HIVEP2: variants seen among roughly 807,000 people sequenced by gnomAD.
HIVEP2 encodes the protein HIVEP zinc finger 2, also known as transcription factor HIVEP2.
In HIVEP2, 14 loss-of-function variants were observed where a neutral mutation model predicts 180.7. That is an observed-to-expected ratio of 0.08 (90% confidence interval 0.05 to 0.12). The LOEUF (loss-of-function observed/expected upper bound fraction) is 0.12, where lower values mean the gene tolerates loss of function less well. Ranked by LOEUF, HIVEP2 falls within the 10% of genes least tolerant of loss-of-function variation. The pLI is 1.00. For missense variants in HIVEP2, 2,579 were observed against 3,008.5 expected, an observed-to-expected ratio of 0.86 and a Z score of 3.34; for synonymous variants, 1,184 against 1,136.4, an observed-to-expected ratio of 1.04 and a Z score of -0.84.
rs770943648 is a variant in HIVEP2 at position 142,770,686 on chromosome 6, T to C, written c.4053A>G (p.Thr1351=). The part of the protein sequence containing the change: ...HVPSYGSVMY[T]SISQILGQNS... The stretch of plus-strand genomic sequence containing the variant: ...TCTGCCCAAGTATCTGAGAAATGCT[T>C]GTGTACATGACACTTCCATAGGATG... The change falls in exon 5 of 10, where the codon ACA becomes ACG. Residue 1351 remains threonine (T), a synonymous_variant. Transcript: ENST00000367603. The surrounding 1 kb of genome is among the most constrained non-coding windows in gnomAD (Gnocchi z 4.7). 1.9e-6 allele frequency: 3 copies of C among 1,614,200 alleles called. No homozygotes were observed. Among genetic ancestry groups the C allele is most frequent in the East Asian group, 4.5e-5 (2 of 44,888 alleles).
chr6:142,865,774 G>A (rs1024618733), intron 1 of HIVEP2, among the ~76,000 whole-genome samples: 9 of 152,120 alleles, frequency 5.9e-5, no homozygotes, highest in Non-Finnish European at 1.2e-4. Context: ...ACCAGAAAGC[G>A]TTTCGCATGC....
At chr6:142,909,726 G>C (rs1321111354) in intron 1 of HIVEP2, among the ~76,000 whole-genome samples, 1 of 152,120 alleles carries the variant, frequency 6.6e-6, no homozygotes, top group Non-Finnish European at 1.5e-5. Context: ...TATGAGTCAA[G>C]TACAACATTA....
intron 2 of HIVEP2, among the ~76,000 whole-genome samples, chr6:142,814,825 A>G (rs764925689): frequency 6.6e-6 from 1 of 152,226 alleles, no homozygotes; most frequent in African/African-American, 2.4e-5. Context: ...CAAAGTAGAT[A>G]AAACACTCAG....
chr6:142,851,252 A>C (rs1775664084), intron 1 of HIVEP2, among the ~76,000 whole-genome samples: 1 of 152,210 alleles, frequency 6.6e-6, no homozygotes, highest in Admixed American at 6.5e-5. Context: ...ACCTGCTTTC[A>C]CTGTGGTAAG....
intron 1 of HIVEP2, among the ~76,000 whole-genome samples, chr6:142,936,352 C>G (rs1170441125): frequency 6.6e-6 from 1 of 151,692 alleles, no homozygotes; most frequent in African/African-American, 2.4e-5. Context: ...GCCACCACAC[C>G]AGGCTAATTT....
At chr6:142,857,788 G>A (rs973599587) in intron 1 of HIVEP2, among the ~76,000 whole-genome samples, 4 of 152,144 alleles carry the variant, frequency 2.6e-5, no homozygotes, top group East Asian at 1.9e-4. Flanking sequence ...ATTTTAGGTC[G>A]GATTTGTTCT....
At chr6:142,870,778 A>G (rs1776272577) in intron 1 of HIVEP2, among the ~76,000 whole-genome samples, 1 of 152,178 alleles carries the variant, frequency 6.6e-6, no homozygotes, top group Non-Finnish European at 1.5e-5. Context: ...CAAAGCTAGA[A>G]TTGAGGGAAC....
chr6:142,882,382 G>A (rs1276730293), intron 1 of HIVEP2, among the ~76,000 whole-genome samples: 1 of 152,118 alleles, frequency 6.6e-6, no homozygotes, highest in Non-Finnish European at 1.5e-5. Context: ...AGGCCAAGGT[G>A]AGAGGATCAC....
In HIVEP2 at chr6:142,784,155, T is replaced by A. The variant is rs190348116; in HGVS notation, c.-527-540A>T. On this transcript the variant is annotated intron_variant, in intron 2 of 9. Transcript: ENST00000367603. Reference sequence around the variant, plus strand: ...AACTTTTCATATATGGAATTAATATTTATTCAAGTATGATCCAAAGAAATG... The same window carrying A: ...AACTTTTCATATATGGAATTAATATATATTCAAGTATGATCCAAAGAAATG... Among the ~76,000 whole-genome samples the A allele has an allele frequency of 3.3e-3, 504 of 152,316 alleles. 3 individuals carry two copies. The highest frequency in any genetic ancestry group is 0.011 in the African/African-American group (453 of 41,578).
intron 9 of HIVEP2, among the ~76,000 whole-genome samples, chr6:142,759,570 G>A (rs1034248626): frequency 1.3e-5 from 2 of 152,208 alleles, no homozygotes; most frequent in Non-Finnish European, 2.9e-5. Context: ...CTGCTCTGAT[G>A]CAATACTACA....
At chr6:142,765,563 G>T (rs906398938) in intron 6 of HIVEP2, among the ~76,000 whole-genome samples, 1 of 152,160 alleles carries the variant, frequency 6.6e-6, no homozygotes, top group South Asian at 2.1e-4. Context: ...CTACAGATTT[G>T]ATCTGCTCTT....
intron 1 of HIVEP2, among the ~76,000 whole-genome samples, chr6:142,868,669 G>T (rs1370043763): frequency 6.6e-6 from 1 of 152,076 alleles, no homozygotes; most frequent in East Asian, 1.9e-4. Flanking sequence ...ATCTTTGAAA[G>T]TTTTTAAAAA....
At chr6:142,862,495 TA>T (rs1776009078) in intron 1 of HIVEP2, among the ~76,000 whole-genome samples, 1 of 101,514 alleles carries the variant, frequency 9.9e-6, no homozygotes, top group East Asian at 2.3e-4. Context: ...TAATCGATTA[TA>T]TGTATCATAT....
intron 1 of HIVEP2, among the ~76,000 whole-genome samples, chr6:142,866,452 T>C (rs910633805): frequency 1.3e-5 from 2 of 152,152 alleles, no homozygotes; most frequent in African/African-American, 4.8e-5. Context: ...TAGTAGACAG[T>C]TCCTGAAATT....
At position 142,760,416 on chromosome 6, in the gene HIVEP2, G is replaced by T; in HGVS notation, c.5872C>A (p.Pro1958Thr). ...VNVGAVPHGV[P>T]SDSSLGHSSL... ...GAATGTCCCAGGGAACTATCTGAAG[G>T]AACCCCGTGGGGTACGGCGCCAACA... The change falls in exon 9 of 10, where the codon CCT becomes ACT. Residue 1958 changes from proline (P) to threonine (T), a missense_variant. Physicochemically the swap from Pro to Thr is conservative, Grantham distance 38. Coordinates refer to ENST00000367603, the MANE Select transcript of HIVEP2 (RefSeq NM_006734.4). 1 of 1,614,174 alleles carries T rather than the reference G, an allele frequency of 6.2e-7. No homozygotes were observed. The highest frequency in any genetic ancestry group is 8.5e-7 in the Non-Finnish European group (1 of 1,180,018).
intron 2 of HIVEP2, among the ~76,000 whole-genome samples, chr6:142,817,164 G>A (rs532254654): frequency 6.6e-6 from 1 of 152,332 alleles, no homozygotes; most frequent in East Asian, 1.9e-4. Context: ...CTGAGTCTCA[G>A]AGATTAGGTC....
At chr6:142,926,419 A>G (rs1483007848) in intron 1 of HIVEP2, among the ~76,000 whole-genome samples, 1 of 152,264 alleles carries the variant, frequency 6.6e-6, no homozygotes, top group Non-Finnish European at 1.5e-5. Context: ...TGTGCTTTGC[A>G]CTAAACATTC....
At chr6:142,913,771 A>G (rs1777480172) in intron 1 of HIVEP2, among the ~76,000 whole-genome samples, 1 of 152,058 alleles carries the variant, frequency 6.6e-6, no homozygotes, top group African/African-American at 2.4e-5. Context: ...AAAGTCACCC[A>G]CTCTTGCCCC....
intron 9 of HIVEP2, among the ~76,000 whole-genome samples, chr6:142,759,333 A>T (rs1368759843): frequency 6.6e-6 from 1 of 152,190 alleles, no homozygotes; most frequent in Non-Finnish European, 1.5e-5. Context: ...AAATTTTAAA[A>T]ATAAAAGTTT....
Sources: allele counts gnomAD v4.1 joint callset (sites outside exome capture counted in the v4.1 genomes callset), GRCh38; gene constraint gnomAD v4.1.1; non-coding constraint Gnocchi (gnomAD v3.1); transcripts MANE v1.5; gene names NCBI Gene and HGNC (gene_info 2026-07-23, HGNC 2026-07-21).